ATP8B1: variants seen among roughly 807,000 people sequenced by gnomAD.
The protein encoded by ATP8B1 is ATPase phospholipid transporting 8B1.
Under a neutral mutation model 149.9 loss-of-function variants are expected in ATP8B1, and 80 were observed. The observed-to-expected ratio is 0.53, with a 90% CI of 0.45 to 0.64. The LOEUF (loss-of-function observed/expected upper bound fraction) is 0.64, where lower values mean the gene tolerates loss of function less well. Ranked by LOEUF, ATP8B1 falls within the 30% of genes least tolerant of loss-of-function variation. The pLI is 0.00. For missense variants in ATP8B1, 1,247 were observed against 1,552.6 expected (o/e 0.80, Z 3.31); for synonymous variants, 536 against 562.8 (o/e 0.95, Z 0.67).
intron 1 of ATP8B1, among the ~76,000 whole-genome samples, chr18:57,750,222 A>T (rs973241198): frequency 2.0e-5 from 3 of 152,220 alleles, no homozygotes; most frequent in Non-Finnish European, 4.4e-5. Flanking sequence ...TAGCCTGGGC[A>T]ACAGAGTGAG....
At chr18:57,745,276 AT>A (rs967953908) in intron 1 of ATP8B1, among the ~76,000 whole-genome samples, 211 of 146,670 alleles carry the variant, frequency 1.4e-3, no homozygotes, top group African/African-American at 3.3e-3. Context: ...ACTGAAACAA[AT>A]TTTTTTTTTT....
chr18:57,686,012 C>T (rs1420120801), intron 13 of ATP8B1, among the ~76,000 whole-genome samples: 1 of 152,026 alleles, frequency 6.6e-6, no homozygotes, highest in Admixed American at 6.6e-5. Context: ...CTTTGGGAGG[C>T]TGAGGCAGAT....
chr18:57,672,954 C>CACACATAT (rs1568189473), intron 16 of ATP8B1, among the ~76,000 whole-genome samples: 3,615 of 28,454 alleles, frequency 0.13, 401 homozygotes, highest in Non-Finnish European at 0.17. Context: ...CACATATATA[C>CACACATAT]ATACATATAT....
Position 57,783,834 on chromosome 18 carries a change from T to TA in ATP8B1, c.-26+19163dup, listed in dbSNP as rs113576187. 6.8e-3 allele frequency among the ~76,000 whole-genome samples: 1,018 copies of TA among 149,014 alleles called. 16 individuals carry two copies. Among genetic ancestry groups the TA allele is most frequent in the African/African-American group, 0.024 (956 of 40,600 alleles). ...TGGGTGGCAGAGTGAGACCCCGTCT[T>TA]AAAAAAAAAATAAAAATAATAAAGG... On this transcript the variant is annotated intron_variant, in intron 1 of 27. Transcript: ENST00000648908.
chr18:57,754,470 G>GTAA (rs2080058434), intron 1 of ATP8B1, among the ~76,000 whole-genome samples: 1 of 151,478 alleles, frequency 6.6e-6, no homozygotes, highest in African/African-American at 2.4e-5. Context: ...ATATTATGAA[G>GTAA]TAATATTGCT....
chr18:57,768,845 C>T (rs1230867196), intron 1 of ATP8B1, among the ~76,000 whole-genome samples: 1 of 152,162 alleles, frequency 6.6e-6, no homozygotes, highest in East Asian at 1.9e-4. Context: ...TTGGGCTGAC[C>T]ATAGCAGCAA....
At chr18:57,683,701 G>A (rs558752018) in intron 15 of ATP8B1, among the ~76,000 whole-genome samples, 3 of 152,294 alleles carry the variant, frequency 2.0e-5, no homozygotes, top group African/African-American at 7.2e-5. Context: ...TTCACTCTCA[G>A]TCAATGCTCA....
chr18:57,692,583 G>A (rs1311144796), intron 11 of ATP8B1, among the ~76,000 whole-genome samples: 2 of 151,826 alleles, frequency 1.3e-5, no homozygotes, highest in East Asian at 1.9e-4. Context: ...TTACAGGCAC[G>A]CGCCACCAAG....
chr18:57,770,778 A>G (rs1405845012), intron 1 of ATP8B1, among the ~76,000 whole-genome samples: 2 of 152,250 alleles, frequency 1.3e-5, no homozygotes, highest in Admixed American at 6.5e-5. Flanking sequence ...AAACATGTCA[A>G]CATGCCCCAA....
intron 1 of ATP8B1, among the ~76,000 whole-genome samples, chr18:57,785,706 A>G (rs909103772): frequency 2.0e-5 from 3 of 152,142 alleles, no homozygotes; most frequent in African/African-American, 7.2e-5. Flanking sequence ...GGGTTTCACC[A>G]TGTTGGCCAG....
At chr18:57,704,345 G>C (rs968013757) in intron 4 of ATP8B1, among the ~76,000 whole-genome samples, 2 of 152,164 alleles carry the variant, frequency 1.3e-5, no homozygotes, top group Non-Finnish European at 2.9e-5. Context: ...TTAAAATACA[G>C]AATTAGAATA....
intron 20 of ATP8B1, among the ~76,000 whole-genome samples, chr18:57,663,959 G>A (rs1292192918): frequency 6.6e-6 from 1 of 150,788 alleles, no homozygotes; most frequent in Non-Finnish European, 1.5e-5. Flanking sequence ...TAGAGACAGG[G>A]TTTCACCATG....
chr18:57,697,873 G>A lies in ATP8B1; in HGVS notation c.555-6C>T, dbSNP rs757974736. On this transcript the variant is annotated splice_region_variant and splice_polypyrimidine_tract_variant and intron_variant, in intron 6 of 27. Coordinates refer to ENST00000648908, the MANE Select transcript of ATP8B1 (RefSeq NM_001374385.1). ...TCCACTTAGCAACTTTGAACCTAAG[G>A]ATTAAAAATAATGAGGATTTATTGA... The A allele has an allele frequency of 6.2e-7, 1 of 1,606,116 alleles. No homozygotes were observed. Among genetic ancestry groups the A allele is most frequent in the Admixed American group, 1.7e-5 (1 of 59,986 alleles).
At chr18:57,696,383 G>A (rs1050175645) in intron 8 of ATP8B1, among the ~76,000 whole-genome samples, 3 of 152,120 alleles carry the variant, frequency 2.0e-5, no homozygotes, top group African/African-American at 7.2e-5. Context: ...AGCTCTATCA[G>A]GCAACTGCCC....
chr18:57,778,760 C>T (rs1391254119), intron 1 of ATP8B1, among the ~76,000 whole-genome samples: 1 of 152,126 alleles, frequency 6.6e-6, no homozygotes, highest in African/African-American at 2.4e-5. Flanking sequence ...CAGCTGGCTT[C>T]TCTTACAGTA....
chr18:57,713,203 C>CTCT (rs1568207534), intron 2 of ATP8B1, among the ~76,000 whole-genome samples: 3 of 103,598 alleles, frequency 2.9e-5, no homozygotes, highest in African/African-American at 1.2e-4. Flanking sequence ...TTCTTTCCTT[C>CTCT]CTTCCTTCCT....
In ATP8B1 at chr18:57,684,210, A is replaced by G. The variant is rs748898780; in HGVS notation, c.1474-18T>C. On this transcript the variant is annotated intron_variant, in intron 14 of 27. Transcript: ENST00000648908. ...TCAACTTGCTGAAAGAAATGGAGAAAAACAAAATATGATTTTATAAAATAT... is the reference window on the plus strand; with the variant it reads ...TCAACTTGCTGAAAGAAATGGAGAAGAACAAAATATGATTTTATAAAATAT... 2.5e-6 allele frequency: 4 copies of G among 1,608,896 alleles called. No individual in the cohort carries two copies. In the Admixed American group the frequency reaches 6.7e-5, roughly 27 times the overall value.
rs775370485 is a variant in ATP8B1 at position 57,671,509 on chromosome 18, G to A, written c.1891C>T (p.Arg631Ter). 11 of 1,614,056 alleles carry A rather than the reference G, an allele frequency of 6.8e-6. No individual in the cohort carries two copies. The highest frequency in any genetic ancestry group is 8.5e-6 in the Non-Finnish European group (10 of 1,179,930). ...ADTVIYERLHRMNPTKQETQD... is the reference protein window; with the variant it reads ...ADTVIYERLH The stretch of plus-strand genomic sequence containing the variant: ...GTTTCTTGCTTAGTAGGATTCATTC[G>A]ATGTAACCGTTCATAAATAACAGTG... Residue 631 changes from arginine (R) to a stop codon, truncating the protein, a stop_gained, in exon 17 of 28, where the codon CGA becomes TGA. Coordinates refer to ENST00000648908, the MANE Select transcript of ATP8B1 (RefSeq NM_001374385.1). LOFTEE classifies it high-confidence loss of function.
chr18:57,792,569 T>G (rs972558571), intron 1 of ATP8B1, among the ~76,000 whole-genome samples: 5 of 152,076 alleles, frequency 3.3e-5, no homozygotes, highest in Non-Finnish European at 7.4e-5. Flanking sequence ...AGAGGGTAGA[T>G]GAGAGGCTGC....
Sources: allele counts gnomAD v4.1 joint callset (sites outside exome capture counted in the v4.1 genomes callset), GRCh38; gene constraint gnomAD v4.1.1; transcripts MANE v1.5; gene names NCBI Gene and HGNC (gene_info 2026-07-23, HGNC 2026-07-21).